Variants in C14orf39 observed in about 807,000 individuals in gnomAD.
The protein encoded by C14orf39 is chromosome 14 open reading frame 39.
Under a neutral mutation model 85.6 loss-of-function variants are expected in C14orf39, and 66 were observed. The ratio of observed to expected loss-of-function variants is 0.77; its 90% CI spans 0.63 to 0.95. The LOEUF is 0.95. C14orf39 is among the 40% of genes least tolerant of loss of function. The pLI, the probability that C14orf39 is intolerant of heterozygous loss-of-function variation, is 0.00. For missense variants in C14orf39, 735 were observed against 663.9 expected (o/e 1.11, Z -1.18); for synonymous variants, 242 against 214.0 (o/e 1.13, Z -1.14).
At chr14:60,459,638 C>G (rs551838469) in intron 13 of C14orf39, among the ~76,000 whole-genome samples, 1 of 151,854 alleles carries the variant, frequency 6.6e-6, no homozygotes, top group African/African-American at 2.4e-5. Context: ...CCTACATTCT[C>G]CTACTTAGTA....
chr14:60,487,063 G>A (rs142527515), upstream of C14orf39, among the ~76,000 whole-genome samples: 1 of 152,244 alleles, frequency 6.6e-6, no homozygotes, highest in Non-Finnish European at 1.5e-5. Flanking sequence ...TGATCACCAC[G>A]ATCAAGTTAA....
chr14:60,487,900 C>T (rs915745280), upstream of C14orf39, among the ~76,000 whole-genome samples: 6 of 152,164 alleles, frequency 3.9e-5, no homozygotes, highest in African/African-American at 1.2e-4. Context: ...TATCTGTTGG[C>T]GATTTGCACA....
intron 2 of C14orf39, chr14:60,495,325 C>T: frequency 4.6e-6 from 1 of 217,402 alleles, no homozygotes; most frequent in Non-Finnish European, 9.8e-6. Flanking sequence ...GCCACCAATC[C>T]TTGGGGAATT....
chr14:60,472,873 A>G (rs1892169109), intron 5 of C14orf39, among the ~76,000 whole-genome samples: 3 of 152,172 alleles, frequency 2.0e-5, no homozygotes. Context: ...ATACGTGTGC[A>G]TGTGTCTTTA....
intron 1 of C14orf39, chr14:60,511,609 T>C: frequency 2.3e-6 from 1 of 433,316 alleles, no homozygotes; most frequent in South Asian, 2.3e-5. Flanking sequence ...CGCTGTTACA[T>C]ATGTATAACT....
chr14:60,500,925 A>C (rs1337897490), intron 1 of C14orf39, among the ~76,000 whole-genome samples: 1 of 152,232 alleles, frequency 6.6e-6, no homozygotes, highest in East Asian at 1.9e-4. Context: ...CCAGATGAGG[A>C]CAATACATGA....
chr14:60,455,277 A>G (rs1477744342), intron 15 of C14orf39, 132 bp from the exon 16 acceptor site: 10 of 587,084 alleles, frequency 1.7e-5, no homozygotes, highest in Non-Finnish European at 2.9e-5. Flanking sequence ...TATTGAAGTG[A>G]CAATCCTATC....
At chr14:60,448,317 A>C (rs910763275) in intron 16 of C14orf39, among the ~76,000 whole-genome samples, 1 of 152,224 alleles carries the variant, frequency 6.6e-6, no homozygotes, top group African/African-American at 2.4e-5. Flanking sequence ...TAATATCCAG[A>C]ATCTACAAAG....
At chr14:60,472,676 T>C (rs559997782) in intron 5 of C14orf39, among the ~76,000 whole-genome samples, 140 of 152,276 alleles carry the variant, frequency 9.2e-4, no homozygotes, top group Admixed American at 2.2e-3. Flanking sequence ...CTTGCAATAA[T>C]AGTTTGCTGA....
chr14:60,507,797 C>A (rs1395894633), intron 1 of C14orf39, among the ~76,000 whole-genome samples: 1 of 152,122 alleles, frequency 6.6e-6, no homozygotes, highest in Non-Finnish European at 1.5e-5. Flanking sequence ...CAGTCCAGTT[C>A]GGCTGTGAAC....
intron 9 of C14orf39, among the ~76,000 whole-genome samples, chr14:60,468,121 T>C (rs1490734350): frequency 1.3e-5 from 2 of 151,712 alleles, no homozygotes; most frequent in Non-Finnish European, 3.0e-5. Context: ...CCCACCATTG[T>C]TTCTGTTTTA....
chr14:60,514,616 G>T (rs1454128616), intron 1 of C14orf39, among the ~76,000 whole-genome samples: 1 of 152,166 alleles, frequency 6.6e-6, no homozygotes. Flanking sequence ...AAAAAATCTG[G>T]GAGGGAGGGG....
chr14:60,453,982 C>A lies in C14orf39; in HGVS notation c.1503+1019G>T, dbSNP rs552845842. 2.0e-5 allele frequency among the ~76,000 whole-genome samples: 3 copies of A among 151,906 alleles called. No homozygotes were observed. The South Asian group carries it at 6.2e-4, about 31-fold the overall frequency. ...TTCAAAGTGTACATGTTTCCTATTA[C>A]ATTTATATACATGCATTTTGCATTC... On this transcript the variant is annotated intron_variant, in intron 16 of 17. Transcript: ENST00000321731.
At chr14:60,474,904 T>C (rs529310961) in intron 5 of C14orf39, among the ~76,000 whole-genome samples, 1 of 152,334 alleles carries the variant, frequency 6.6e-6, no homozygotes, top group East Asian at 1.9e-4. Flanking sequence ...ATCAGGATGA[T>C]GCTGGCCTCA....
chr14:60,472,419 CT>C (rs1207912572), intron 5 of C14orf39, among the ~76,000 whole-genome samples: 3 of 151,822 alleles, frequency 2.0e-5, no homozygotes, highest in Non-Finnish European at 4.4e-5. Context: ...TTTTATTATA[CT>C]TTTAAGTTTT....
chr14:60,461,163 T>A (rs1476926157), intron 13 of C14orf39, among the ~76,000 whole-genome samples, 191 bp downstream of exon 13: 1 of 152,042 alleles, frequency 6.6e-6, no homozygotes, highest in Non-Finnish European at 1.5e-5. Flanking sequence ...TTTCTTTATA[T>A]CTTTGTTTTC....
chr14:60,468,888 T>C (rs986459323), intron 8 of C14orf39, among the ~76,000 whole-genome samples: 2 of 151,532 alleles, frequency 1.3e-5, no homozygotes, highest in Admixed American at 1.3e-4. Flanking sequence ...GATATTACTG[T>C]TATTTGGTAC....
Position 60,436,068 on chromosome 14 carries a change from C to A in C14orf39, c.*777G>T, listed in dbSNP as rs1412701965. 6.6e-6 allele frequency: 1 copy of A among 152,078 alleles called. No homozygotes were observed. 9.4% of individuals were successfully genotyped at this position (152,078 alleles called of 1,614,324 possible). On this transcript the variant is annotated 3_prime_UTR_variant, in exon 18 of 18. Transcript: ENST00000321731. Reference sequence around the variant, plus strand: ...AAGTTCATCAAATCTTAAATATCTTCACTTAAGCTATATAATTAATTGACA... The same window carrying A: ...AAGTTCATCAAATCTTAAATATCTTAACTTAAGCTATATAATTAATTGACA...
At chr14:60,480,925 T>G (rs1311875775) in intron 4 of C14orf39, among the ~76,000 whole-genome samples, 1 of 151,622 alleles carries the variant, frequency 6.6e-6, no homozygotes, top group African/African-American at 2.4e-5. Context: ...AAACAGAGAG[T>G]AGAAAGGTGG....
Sources: allele counts gnomAD v4.1 joint callset (sites outside exome capture counted in the v4.1 genomes callset), GRCh38; gene constraint gnomAD v4.1.1; transcripts MANE v1.5; gene names NCBI Gene and HGNC (gene_info 2026-07-23, HGNC 2026-07-21).